Variants in ADGRL3 observed in about 807,000 individuals in gnomAD.
The protein encoded by ADGRL3 is calcium-independent alpha-latrotoxin receptor 3.
In ADGRL3, 62 loss-of-function variants were observed where a neutral mutation model predicts 153.5. That is an observed-to-expected ratio of 0.40 (90% CI 0.33 to 0.50). The LOEUF (loss-of-function observed/expected upper bound fraction) is 0.50, where lower values mean the gene tolerates loss of function less well. Among genes scored for constraint, ADGRL3 ranks in the 20% least tolerant of loss-of-function variants. The pLI, the probability that ADGRL3 is intolerant of heterozygous loss-of-function variation, is 0.47. For missense variants in ADGRL3, 1,641 were observed against 1,859.4 expected, an observed-to-expected ratio of 0.88 and a Z score of 2.16; for synonymous variants, 710 against 672.5, an observed-to-expected ratio of 1.06 and a Z score of -0.86.
intron 1 of ADGRL3, among the ~76,000 whole-genome samples, chr4:61,280,289 T>A (rs943700562): frequency 1.3e-5 from 2 of 151,820 alleles, no homozygotes; most frequent in Admixed American, 1.3e-4. Context: ...TTTGTATTTT[T>A]AGTAGAGACG....
chr4:61,498,426 T>C (rs2152814728), intron 3 of ADGRL3, among the ~76,000 whole-genome samples: 1 of 151,984 alleles, frequency 6.6e-6, no homozygotes, highest in East Asian at 1.9e-4. Flanking sequence ...GGTGGATGCC[T>C]GTAGTCCCAG....
chr4:61,346,505 T>C (rs1231288728), intron 1 of ADGRL3, among the ~76,000 whole-genome samples: 1 of 151,914 alleles, frequency 6.6e-6, no homozygotes, highest in African/African-American at 2.4e-5. Flanking sequence ...GGCTCATGCC[T>C]GTAATGTCAG....
intron 5 of ADGRL3, among the ~76,000 whole-genome samples, chr4:61,653,885 C>A (rs1346817480): frequency 1.3e-5 from 2 of 152,066 alleles, no homozygotes; most frequent in African/African-American, 2.4e-5. Context: ...AAGTGACTTT[C>A]CAGAGAAAAA....
chr4:61,875,099 C>T (rs893260073), intron 9 of ADGRL3, among the ~76,000 whole-genome samples: 3 of 152,092 alleles, frequency 2.0e-5, no homozygotes, highest in Admixed American at 6.5e-5. Context: ...TGAGCCACCG[C>T]GCCCGGCCCA....
chr4:61,889,116 C>CAT (rs2098555392), intron 9 of ADGRL3, among the ~76,000 whole-genome samples: 1 of 152,168 alleles, frequency 6.6e-6, no homozygotes, highest in Admixed American at 6.5e-5. Flanking sequence ...ACTGAGAGCT[C>CAT]ATTTACTCCT....
chr4:61,254,837 G>A (rs2091805465), intron 1 of ADGRL3, among the ~76,000 whole-genome samples: 1 of 152,062 alleles, frequency 6.6e-6, no homozygotes, highest in South Asian at 2.1e-4. Context: ...TTTCTTCCTT[G>A]TGGATCACCT....
At chr4:61,844,650 C>T (rs1388865194) in intron 9 of ADGRL3, among the ~76,000 whole-genome samples, 4 of 132,278 alleles carry the variant, frequency 3.0e-5, no homozygotes, top group South Asian at 5.1e-4. Flanking sequence ...AACGAATAAT[C>T]GTAATAACCT....
chr4:61,633,937 T>C (rs1233177822), intron 5 of ADGRL3, among the ~76,000 whole-genome samples: 2 of 148,644 alleles, frequency 1.3e-5, no homozygotes, highest in African/African-American at 2.5e-5. Context: ...AGAAAGTCAA[T>C]TGGATTGTGT....
intron 1 of ADGRL3, among the ~76,000 whole-genome samples, chr4:61,360,725 T>A (rs1026853763): frequency 2.0e-5 from 3 of 152,152 alleles, no homozygotes; most frequent in African/African-American, 7.2e-5. Flanking sequence ...AAGGCTAAAA[T>A]CCTTTAGACA....
At chr4:61,710,308 G>T (rs569399123) in intron 6 of ADGRL3, among the ~76,000 whole-genome samples, 1 of 152,322 alleles carries the variant, frequency 6.6e-6, no homozygotes, top group South Asian at 2.1e-4. Context: ...ATGGGGATCA[G>T]TCTTGGGGAA....
At chr4:62,002,382 C>T (rs182225085) in intron 21 of ADGRL3, among the ~76,000 whole-genome samples, 15 of 150,704 alleles carry the variant, frequency 1.0e-4, no homozygotes, top group African/African-American at 3.2e-4. Context: ...TTTTCCCTAA[C>T]GCTATGACTG....
chr4:61,854,807 G>A (rs1302326553), intron 9 of ADGRL3, among the ~76,000 whole-genome samples: 1 of 152,176 alleles, frequency 6.6e-6, no homozygotes, highest in African/African-American at 2.4e-5. Flanking sequence ...TTAGTGATAA[G>A]TCAGATTAAT....
At chr4:61,576,059 T>C (rs1410771466) in intron 4 of ADGRL3, among the ~76,000 whole-genome samples, 1 of 152,030 alleles carries the variant, frequency 6.6e-6, no homozygotes, top group Non-Finnish European at 1.5e-5. Flanking sequence ...CTGTGATTTC[T>C]TTATGTGGTT....
intron 15 of ADGRL3, among the ~76,000 whole-genome samples, chr4:61,936,549 A>G (rs1029056344): frequency 3.3e-5 from 5 of 152,172 alleles, no homozygotes; most frequent in African/African-American, 1.2e-4. Context: ...GCTTCTTACT[A>G]AATTGAATAC....
chr4:61,626,632 T>C (rs2092847007), intron 5 of ADGRL3, among the ~76,000 whole-genome samples: 1 of 152,112 alleles, frequency 6.6e-6, no homozygotes, highest in South Asian at 2.1e-4. Flanking sequence ...TATTTTCTAT[T>C]ATAACTTTAT....
chr4:61,848,628 A>AT (rs2098165742), intron 9 of ADGRL3, among the ~76,000 whole-genome samples: 1 of 152,134 alleles, frequency 6.6e-6, no homozygotes, highest in African/African-American at 2.4e-5. Context: ...TGAGGGACAC[A>AT]ATTCAACCCA....
intron 2 of ADGRL3, among the ~76,000 whole-genome samples, chr4:61,463,521 CA>C (rs1360155926): frequency 1.3e-5 from 2 of 152,218 alleles, no homozygotes; most frequent in South Asian, 4.1e-4. Flanking sequence ...AGTCACCTAC[CA>C]TCAGTCCCTC....
chr4:61,461,107 G>T (rs1020956880), intron 2 of ADGRL3, among the ~76,000 whole-genome samples: 1 of 151,952 alleles, frequency 6.6e-6, no homozygotes, highest in Non-Finnish European at 1.5e-5. Context: ...ATCACATCTC[G>T]TGAGACTTAT....
chr4:61,276,969 C>G (rs187553237), intron 1 of ADGRL3, among the ~76,000 whole-genome samples: 1 of 152,064 alleles, frequency 6.6e-6, no homozygotes. Flanking sequence ...AAGTCCTGTA[C>G]AAGCTTAAAT....
Sources: gnomAD v4.1 joint callset for allele counts (sites outside exome capture counted in the v4.1 genomes callset) on GRCh38, gnomAD v4.1.1 for gene constraint, MANE v1.5 for transcripts, NCBI Gene and HGNC (gene_info 2026-07-23, HGNC 2026-07-21) for gene names.